MIDEAS: variants seen among roughly 807,000 people sequenced by gnomAD.
MIDEAS encodes the protein mitotic deacetylase-associated SANT domain protein.
A neutral mutation model predicts 102.7 loss-of-function variants in MIDEAS; 26 were observed. The observed-to-expected ratio is 0.25, with a 90% confidence interval of 0.19 to 0.35. MIDEAS has a LOEUF of 0.35. Among genes scored for constraint, MIDEAS ranks in the 10% least tolerant of loss-of-function variants. The probability of loss-of-function intolerance (pLI) is 1.00; values close to 1 mark genes in which losing one functional copy is unlikely to be tolerated. For missense variants in MIDEAS, 1,231 were observed against 1,435.6 expected (o/e 0.86, Z 2.30); for synonymous variants, 585 against 591.0 (o/e 0.99, Z 0.15).
At chr14:73,727,017 G>A in intron 5 of MIDEAS, 45 bp from the exon 6 acceptor site, 1 of 1,547,666 alleles carries the variant, frequency 6.5e-7, no homozygotes, top group Non-Finnish European at 8.8e-7. Context: ...ACCTTGCGGG[G>A]ACGGAGAACT....
At chr14:73,754,371 C>G (rs975070957) in intron 1 of MIDEAS, among the ~76,000 whole-genome samples, 2 of 152,240 alleles carry the variant, frequency 1.3e-5, no homozygotes, top group African/African-American at 4.8e-5. Context: ...GACTCACTCA[C>G]GCACATGCAA....
intron 1 of MIDEAS, among the ~76,000 whole-genome samples, chr14:73,747,400 A>G (rs1283741741): frequency 1.3e-5 from 2 of 152,100 alleles, no homozygotes; most frequent in African/African-American, 2.4e-5. Flanking sequence ...TGTAAAAAGC[A>G]AGTGCCACCA....
rs369507719 is a variant in MIDEAS at position 73,727,527 on chromosome 14, A to G, written c.2096-3T>C. 1.2e-6 allele frequency: 2 copies of G among 1,606,502 alleles called. No homozygotes were observed. Among genetic ancestry groups the G allele is most frequent in the African/African-American group, 1.3e-5 (1 of 74,608 alleles). ...AGGCGGGGTTACTTCAGCACTGTCT[A>G]TGGGACAAAGAGCAGGTTGATAAAT... On this transcript the variant is annotated splice_region_variant and splice_polypyrimidine_tract_variant and intron_variant, in intron 4 of 12. Transcript: ENST00000423556.
intron 1 of MIDEAS, among the ~76,000 whole-genome samples, chr14:73,755,889 C>T (rs1431056914): frequency 6.6e-6 from 1 of 152,164 alleles, no homozygotes; most frequent in Non-Finnish European, 1.5e-5. Context: ...TGAGAGTTGC[C>T]ATCTGTTGAA....
chr14:73,738,873 T>C lies in MIDEAS; in HGVS notation c.1136A>G (p.His379Arg). 6.4e-7 allele frequency: 1 copy of C among 1,564,478 alleles called. No homozygotes were observed. Among genetic ancestry groups the C allele is most frequent in the Non-Finnish European group, 8.7e-7 (1 of 1,155,680 alleles). Residue 379 changes from histidine to arginine, a missense_variant, in exon 2 of 13, where the codon CAC becomes CGC. Coordinates refer to ENST00000423556, the MANE Select transcript of MIDEAS (RefSeq NM_001367710.1). Reference protein sequence around the residue: ...QEATGNLFLHHWPLQQPPPGS... With the variant: ...QEATGNLFLHRWPLQQPPPGS... Reference sequence around the variant, plus strand: ...AGGTGGCGGCTGCTGCAGGGGCCAGTGATGTAGGAACAGGTTGCCAGTGGC... The same window carrying C: ...AGGTGGCGGCTGCTGCAGGGGCCAGCGATGTAGGAACAGGTTGCCAGTGGC...
At chr14:73,786,383 A>T (rs912677668) in intron 1 of MIDEAS, among the ~76,000 whole-genome samples, 1 of 152,218 alleles carries the variant, frequency 6.6e-6, no homozygotes, top group African/African-American at 2.4e-5. Context: ...AGTCCGCTGG[A>T]AGCGGGTTTC....
At chr14:73,741,374 TG>T (rs2053279207) in intron 1 of MIDEAS, among the ~76,000 whole-genome samples, 1 of 151,598 alleles carries the variant, frequency 6.6e-6, no homozygotes, top group African/African-American at 2.4e-5. Flanking sequence ...GTTTTTTTCC[TG>T]GGAAGTTGGT....
intron 1 of MIDEAS, among the ~76,000 whole-genome samples, chr14:73,772,794 A>AGTGTGTGTGTGTGTGTGTGT (rs61402555): frequency 3.7e-5 from 5 of 135,720 alleles, no homozygotes; most frequent in African/African-American, 1.4e-4. Context: ...TTCAAGTTCT[A>AGTGTGTGTGTGTGTGTGTGT]GTGTGTGTGT....
At chr14:73,769,694 C>T (rs970549762) in intron 1 of MIDEAS, among the ~76,000 whole-genome samples, 1 of 152,010 alleles carries the variant, frequency 6.6e-6, no homozygotes, top group Non-Finnish European at 1.5e-5. Flanking sequence ...CTCTGCCTCC[C>T]GGGTTCAAGC....
intron 1 of MIDEAS, among the ~76,000 whole-genome samples, chr14:73,749,150 C>T (rs892767309): frequency 6.6e-6 from 1 of 152,104 alleles, no homozygotes; most frequent in Admixed American, 6.6e-5. Flanking sequence ...TAGAACACTC[C>T]ACCTAACAAC....
intron 1 of MIDEAS, among the ~76,000 whole-genome samples, chr14:73,752,197 T>C (rs1324001411): frequency 1.1e-4 from 17 of 152,158 alleles, no homozygotes; most frequent in Admixed American, 1.1e-3. Flanking sequence ...AGATCATTTG[T>C]CCAAACCTCA....
chr14:73,785,700 C>T (rs1441675552), intron 1 of MIDEAS, among the ~76,000 whole-genome samples: 1 of 152,178 alleles, frequency 6.6e-6, no homozygotes, highest in African/African-American at 2.4e-5. Flanking sequence ...AGCCATCTCC[C>T]ATCTCCTTTT....
intron 4 of MIDEAS, 71 bp downstream of exon 4, chr14:73,729,569 C>T (rs1191460287): frequency 1.3e-5 from 17 of 1,276,592 alleles, no homozygotes; most frequent in Non-Finnish European, 1.9e-5. Flanking sequence ...AGCAGCCCCA[C>T]AGGCTGAGAT....
chr14:73,751,488 C>T (rs1307076044), intron 1 of MIDEAS, among the ~76,000 whole-genome samples: 2 of 152,324 alleles, frequency 1.3e-5, no homozygotes, highest in East Asian at 3.9e-4. Flanking sequence ...GAAGAGGCTA[C>T]AGGTGATTAC....
intron 1 of MIDEAS, among the ~76,000 whole-genome samples, chr14:73,782,937 C>T (rs937570614): frequency 1.3e-5 from 2 of 152,200 alleles, no homozygotes; most frequent in African/African-American, 2.4e-5. Flanking sequence ...CCAGGAACCA[C>T]GGCCTTTGGT....
At chr14:73,729,611 T>G in intron 4 of MIDEAS, 29 bp downstream of exon 4, 1 of 1,562,840 alleles carries the variant, frequency 6.4e-7, no homozygotes. Context: ...GCCCCGCTCC[T>G]GCCAGGGTCG....
chr14:73,727,482 T>A lies in MIDEAS; in HGVS notation c.2138A>T (p.Glu713Val). 1 of 1,613,582 alleles carries A rather than the reference T, an allele frequency of 6.2e-7. No individual in the cohort carries two copies. ...VTPPVLSVMGEATPVSIEPRI... is the reference protein window; with the variant it reads ...VTPPVLSVMGVATPVSIEPRI... ...CGGCTCGATGCTCACTGGGGTGGCC[T>A]CCCCCATCACAGAGAGGACAGGCGG... Residue 713 changes from glutamate to valine, a missense_variant, in exon 5 of 13, where the codon GAG becomes GTG. Physicochemically the swap from Glu to Val is moderately radical, Grantham distance 121. Around this residue, in one of 5 missense-constraint regions of MIDEAS, gnomAD observed 391 missense variants for 483.0 expected, o/e 0.81. Coordinates refer to ENST00000423556, the MANE Select transcript of MIDEAS (RefSeq NM_001367710.1).
At chr14:73,744,425 G>A (rs2191458) in intron 1 of MIDEAS, among the ~76,000 whole-genome samples, 124,398 of 152,236 alleles carry the variant, frequency 0.82, 51,357 homozygotes, top group East Asian at 0.94. Context: ...CAGCAGCTGC[G>A]GGGGCTCAGC....
chr14:73,758,022 A>G (rs1311815548), intron 1 of MIDEAS, among the ~76,000 whole-genome samples: 1 of 152,104 alleles, frequency 6.6e-6, no homozygotes, highest in Non-Finnish European at 1.5e-5. Context: ...GCAAGCTGGC[A>G]AGCTGTATGA....
Sources: allele counts gnomAD v4.1 joint callset (sites outside exome capture counted in the v4.1 genomes callset), GRCh38; gene constraint gnomAD v4.1.1; regional missense constraint gnomAD v4.1.1; transcripts MANE v1.5; gene names NCBI Gene and HGNC (gene_info 2026-07-23, HGNC 2026-07-21).